Variants in NDST3 observed in about 807,000 individuals in gnomAD.
NDST3 encodes the protein bifunctional heparan sulfate N-deacetylase/N-sulfotransferase 3.
A neutral mutation model predicts 96.1 loss-of-function variants in NDST3; 58 were observed. The observed-to-expected ratio is 0.60, with a 90% confidence interval of 0.49 to 0.75. The LOEUF is 0.75. Among genes scored for constraint, NDST3 ranks in the 30% least tolerant of loss-of-function variants. NDST3 has a pLI of 0.00. For synonymous variants in NDST3, 333 were observed against 359.7 expected, an observed-to-expected ratio of 0.93 and a Z score of 0.84; for missense variants, 788 against 1,034.2, an observed-to-expected ratio of 0.76 and a Z score of 3.27.
At chr4:118,126,965 T>A (rs1732154605) in intron 4 of NDST3, among the ~76,000 whole-genome samples, 1 of 152,132 alleles carries the variant, frequency 6.6e-6, no homozygotes, top group African/African-American at 2.4e-5. Context: ...CACCTTTTCA[T>A]ATGCCTGTTT....
chr4:118,251,549 A>C (rs1741736894), intron 12 of NDST3, among the ~76,000 whole-genome samples: 1 of 152,134 alleles, frequency 6.6e-6, no homozygotes, highest in African/African-American at 2.4e-5. Flanking sequence ...TAAAGGACTA[A>C]TCCTTTCCCA....
chr4:118,132,137 C>T (rs767347869), intron 4 of NDST3, among the ~76,000 whole-genome samples: 4 of 152,086 alleles, frequency 2.6e-5, no homozygotes, highest in Admixed American at 1.3e-4. Flanking sequence ...AAGTTTGTGT[C>T]CTTCCCTTCA....
chr4:118,240,455 C>T (rs1043936695), intron 10 of NDST3, 69 bp from the exon 11 acceptor site: 4 of 1,325,818 alleles, frequency 3.0e-6, no homozygotes, highest in African/African-American at 2.9e-5. Context: ...AGACTTGTCA[C>T]AAAGATTGAT....
At chr4:118,159,563 T>C (rs897693645) in intron 6 of NDST3, among the ~76,000 whole-genome samples, 1 of 151,958 alleles carries the variant, frequency 6.6e-6, no homozygotes, top group Non-Finnish European at 1.5e-5. Context: ...TATAGACCAA[T>C]CCAAGGAACA....
intron 2 of NDST3, among the ~76,000 whole-genome samples, chr4:118,078,063 G>A (rs1727707526): frequency 1.3e-5 from 2 of 152,190 alleles, no homozygotes; most frequent in African/African-American, 4.8e-5. Context: ...GCATGGAGGA[G>A]AGCCAGGGGA....
chr4:118,172,640 T>G (rs1736024095), intron 6 of NDST3, among the ~76,000 whole-genome samples: 1 of 152,194 alleles, frequency 6.6e-6, no homozygotes, highest in African/African-American at 2.4e-5. Context: ...TTTTTCTTTC[T>G]GCTCTTCCAT....
At position 118,256,606 on chromosome 4, in the gene NDST3, A is replaced by G. The variant is rs2126018960; in HGVS notation, c.*894A>G. On this transcript the variant is annotated 3_prime_UTR_variant, in exon 14 of 14. Coordinates refer to ENST00000296499, the MANE Select transcript of NDST3 (RefSeq NM_004784.3). ...TCCCAGTAGTCCTCACTAGTTCTACAGAAATGCATGCCTAGAGTCTGAGGT... is the reference window on the plus strand; with the variant it reads ...TCCCAGTAGTCCTCACTAGTTCTACGGAAATGCATGCCTAGAGTCTGAGGT... 6.6e-6 allele frequency: 1 copy of G among 152,350 alleles called. No homozygotes were observed. The highest frequency in any genetic ancestry group is 1.9e-4 in the East Asian group (1 of 5,186). The allele number at this position is 152,350 out of a possible 1,614,324, so 9.4% of individuals were successfully genotyped here.
chr4:118,257,960 A>G lies in NDST3; in HGVS notation c.*2248A>G, dbSNP rs1742215369. On this transcript the variant is annotated 3_prime_UTR_variant, in exon 14 of 14. Coordinates refer to ENST00000296499, the MANE Select transcript of NDST3 (RefSeq NM_004784.3). Reference sequence around the variant, plus strand: ...AGAATAGGCCTCAGCAGTTATATACAGTGTCATGTTTTCATTTGGCAACAA... The same window carrying G: ...AGAATAGGCCTCAGCAGTTATATACGGTGTCATGTTTTCATTTGGCAACAA... 1 of 152,214 alleles carries G rather than the reference A, an allele frequency of 6.6e-6. No homozygotes were observed. Among genetic ancestry groups the G allele is most frequent in the Non-Finnish European group, 1.5e-5 (1 of 68,032 alleles). The allele number at this position is 152,214 out of a possible 1,614,324, so 9.4% of individuals were successfully genotyped here.
chr4:118,189,658 G>A (rs1371739495), intron 6 of NDST3, among the ~76,000 whole-genome samples: 1 of 152,098 alleles, frequency 6.6e-6, no homozygotes, highest in African/African-American at 2.4e-5. Flanking sequence ...TTTGATAGAG[G>A]AGACTCAGTT....
intron 6 of NDST3, among the ~76,000 whole-genome samples, chr4:118,184,887 T>C (rs891592527): frequency 1.3e-5 from 2 of 152,186 alleles, no homozygotes; most frequent in African/African-American, 4.8e-5. Context: ...GGCCTTTCCA[T>C]TTTCCATGAA....
chr4:118,059,763 A>C (rs1184412614), intron 2 of NDST3, among the ~76,000 whole-genome samples: 1 of 152,136 alleles, frequency 6.6e-6, no homozygotes, highest in Non-Finnish European at 1.5e-5. Context: ...TACACATAAA[A>C]GGGTAGCAAA....
intron 6 of NDST3, among the ~76,000 whole-genome samples, chr4:118,172,907 A>G (rs1736042439): frequency 6.6e-6 from 1 of 152,136 alleles, no homozygotes. Flanking sequence ...TCTTTCTAAA[A>G]GTCCATAGTG....
chr4:118,149,148 G>A (rs1466213979), intron 6 of NDST3, among the ~76,000 whole-genome samples: 4 of 152,166 alleles, frequency 2.6e-5, no homozygotes, highest in East Asian at 3.9e-4. Context: ...TGCTGTTTTG[G>A]TTACTGTAGC....
intron 12 of NDST3, among the ~76,000 whole-genome samples, chr4:118,246,206 C>A (rs1413002410): frequency 1.3e-5 from 2 of 152,204 alleles, no homozygotes; most frequent in African/African-American, 4.8e-5. Context: ...AATACCACTA[C>A]ATACCCACTA....
intron 12 of NDST3, among the ~76,000 whole-genome samples, chr4:118,243,239 TGA>T (rs1741118139): frequency 6.6e-6 from 1 of 152,086 alleles, no homozygotes; most frequent in Admixed American, 6.6e-5. Context: ...ATTTAGAAAG[TGA>T]GAGGCAGGTT....
chr4:118,237,691 T>C (rs901857274), intron 10 of NDST3, among the ~76,000 whole-genome samples: 2 of 152,188 alleles, frequency 1.3e-5, no homozygotes, highest in South Asian at 2.1e-4. Context: ...TGCATAAGCA[T>C]TCCTGTGTTC....
intron 2 of NDST3, among the ~76,000 whole-genome samples, chr4:118,079,360 G>C (rs1003443836): frequency 6.6e-6 from 1 of 152,222 alleles, no homozygotes; most frequent in African/African-American, 2.4e-5. Context: ...TGCTGATTTA[G>C]AGAAGCTGAA....
At chr4:118,139,857 C>T (rs1733424662) in intron 5 of NDST3, among the ~76,000 whole-genome samples, 1 of 152,074 alleles carries the variant, frequency 6.6e-6, no homozygotes, top group African/African-American at 2.4e-5. Context: ...CCACTGCCAC[C>T]ATCTTAATTT....
At chr4:118,125,219 T>C (rs1731948638) in intron 4 of NDST3, among the ~76,000 whole-genome samples, 1 of 152,054 alleles carries the variant, frequency 6.6e-6, no homozygotes, top group Admixed American at 6.6e-5. Flanking sequence ...TCACCATAAA[T>C]AACAAAGACA....
Sources: allele counts gnomAD v4.1 joint callset (sites outside exome capture counted in the v4.1 genomes callset), GRCh38; gene constraint gnomAD v4.1.1; transcripts MANE v1.5; gene names NCBI Gene and HGNC (gene_info 2026-07-23, HGNC 2026-07-21).